The following CCNT1 variants were observed in gnomAD, a reference collection of about 807,000 sequenced individuals.
CCNT1 encodes cyclin T1, also known as cyclin-T1.
In CCNT1, 18 loss-of-function variants were observed where a neutral mutation model predicts 67.3. That is an observed-to-expected ratio of 0.27 (90% CI 0.18 to 0.40). The LOEUF is 0.40. Ranked by LOEUF, CCNT1 falls within the 10% of genes least tolerant of loss-of-function variation. The pLI, the probability that CCNT1 is intolerant of heterozygous loss-of-function variation, is 1.00. For synonymous variants in CCNT1, 333 were observed against 310.3 expected (o/e 1.07, Z -0.77); for missense variants, 744 against 884.9 (o/e 0.84, Z 2.02).
At chr12:48,713,691 G>C (rs753083460) in intron 2 of CCNT1, among the ~76,000 whole-genome samples, 3 of 152,184 alleles carry the variant, frequency 2.0e-5, no homozygotes, top group Non-Finnish European at 2.9e-5. Flanking sequence ...GGCTACGGCA[G>C]GAGGACTGCT....
chr12:48,709,241 G>C (rs1940411649), intron 2 of CCNT1, among the ~76,000 whole-genome samples: 1 of 152,124 alleles, frequency 6.6e-6, no homozygotes, highest in African/African-American at 2.4e-5. Flanking sequence ...GGCAACAGAG[G>C]GGACTCCGTT....
chr12:48,714,616 G>GC, intron 1 of CCNT1, 92 bp from the exon 2 acceptor site: 1 of 719,002 alleles, frequency 1.4e-6, no homozygotes, highest in Non-Finnish European at 2.5e-6. Context: ...AAATGGCCAA[G>GC]CAAGTAGATA....
At chr12:48,702,668 G>A (rs1322652727) in intron 3 of CCNT1, among the ~76,000 whole-genome samples, 1 of 152,062 alleles carries the variant, frequency 6.6e-6, no homozygotes, top group Non-Finnish European at 1.5e-5. Context: ...GTGAACCTTG[G>A]CTTGTTCCAT....
intron 2 of CCNT1, among the ~76,000 whole-genome samples, chr12:48,709,857 T>C (rs539793650): frequency 6.6e-6 from 1 of 152,240 alleles, no homozygotes; most frequent in South Asian, 2.1e-4. Context: ...TCTTAATTTT[T>C]ACCATGGGAA....
At chr12:48,710,613 G>A (rs537737003) in intron 2 of CCNT1, among the ~76,000 whole-genome samples, 24 of 152,160 alleles carry the variant, frequency 1.6e-4, no homozygotes, top group African/African-American at 5.1e-4. Context: ...GAGATCTCCC[G>A]TCTCTAAAAA....
chr12:48,706,862 A>G (rs1216281760), intron 2 of CCNT1, among the ~76,000 whole-genome samples: 1 of 152,188 alleles, frequency 6.6e-6, no homozygotes, highest in East Asian at 1.9e-4. Flanking sequence ...AATTCAACTC[A>G]TAGTATTGAT....
chr12:48,706,255 A>C (rs143937100), intron 2 of CCNT1, among the ~76,000 whole-genome samples: 151 of 152,318 alleles, frequency 9.9e-4, no homozygotes, highest in African/African-American at 3.5e-3. Flanking sequence ...GCAAATCCAT[A>C]TAGAGAAAAA....
In CCNT1 at chr12:48,698,267, T is replaced by C. The variant is rs1940211375; in HGVS notation, c.497-84A>G. The stretch of plus-strand genomic sequence containing the variant: ...ATTCTCAACAAATATTTAGTAAGCA[T>C]TTAATATTTGCAAGGTACTGTGAAT... On this transcript the variant is annotated intron_variant, in intron 5 of 8. Transcript: ENST00000261900. 4.9e-6 allele frequency: 5 copies of C among 1,012,820 alleles called. No homozygotes were observed. In the South Asian group the frequency reaches 8.4e-5, roughly 17 times the overall value. 62.7% of individuals were successfully genotyped at this position (1,012,820 alleles called of 1,614,324 possible).
chr12:48,698,306 A>G (rs1161210986), intron 5 of CCNT1, 123 bp from the exon 6 acceptor site: 6 of 624,306 alleles, frequency 9.6e-6, no homozygotes, highest in Non-Finnish European at 1.4e-5. Flanking sequence ...GTGGCAAATG[A>G]GACACACATG....
chr12:48,711,815 C>T (rs186341368), intron 2 of CCNT1, among the ~76,000 whole-genome samples: 5 of 152,176 alleles, frequency 3.3e-5, no homozygotes, highest in East Asian at 1.9e-4. Context: ...TGTTTTGAGA[C>T]GGAGTCTCAT....
At position 48,695,166 on chromosome 12, in the gene CCNT1, C is replaced by T. The variant is rs1940149163; in HGVS notation, c.777+593G>A. On this transcript the variant is annotated intron_variant, in intron 8 of 8. Transcript: ENST00000261900. Reference sequence around the variant, plus strand: ...ATCTCAGGCTTCTAAGAGGCAAACTCACTCTCTGCCACTCACTCAACTCAG... The same window carrying T: ...ATCTCAGGCTTCTAAGAGGCAAACTTACTCTCTGCCACTCACTCAACTCAG... Among the ~76,000 whole-genome samples, 4 of 152,302 alleles carry T rather than the reference C, an allele frequency of 2.6e-5. No individual in the cohort carries two copies. The South Asian group carries it at 8.3e-4, about 32-fold the overall frequency.
intron 2 of CCNT1, among the ~76,000 whole-genome samples, chr12:48,711,862 G>A (rs1347051895): frequency 1.3e-5 from 2 of 152,080 alleles, no homozygotes; most frequent in African/African-American, 4.8e-5. Context: ...GCACGATCTC[G>A]GCTCACTGCA....
Position 48,710,041 on chromosome 12 carries a change from G to A in CCNT1, c.244-4145C>T, listed in dbSNP as rs148182486. ...TGAGTAGCTGGGACTACAGGTGCACGCCACCATGCCCGGCTGATTTTTGTG... is the reference window on the plus strand; with the variant it reads ...TGAGTAGCTGGGACTACAGGTGCACACCACCATGCCCGGCTGATTTTTGTG... On this transcript the variant is annotated intron_variant, in intron 2 of 8. Coordinates refer to ENST00000261900, the MANE Select transcript of CCNT1 (RefSeq NM_001240.4). Among the ~76,000 whole-genome samples, 10 of 152,102 alleles carry A rather than the reference G, an allele frequency of 6.6e-5. No individual in the cohort carries two copies. In the East Asian group the frequency reaches 1.7e-3, roughly 26 times the overall value.
chr12:48,702,496 A>C (rs1309564445), intron 3 of CCNT1, among the ~76,000 whole-genome samples: 4 of 152,262 alleles, frequency 2.6e-5, no homozygotes, highest in African/African-American at 7.2e-5. Context: ...TTAAAAAATA[A>C]AGAATGGGCC....
chr12:48,715,809 G>A (rs1001945729), intron 1 of CCNT1, among the ~76,000 whole-genome samples: 2 of 152,162 alleles, frequency 1.3e-5, no homozygotes, highest in African/African-American at 2.4e-5. Context: ...CTCTAAGTAA[G>A]TTAAGGACCC....
chr12:48,701,216 TC>T lies in CCNT1; in HGVS notation c.373-144del, dbSNP rs1333072186. 2.0e-3 allele frequency: 329 copies of T among 166,470 alleles called. 3 individuals carry two copies. Among genetic ancestry groups the T allele is most frequent in the East Asian group, 0.016 (101 of 6,328 alleles). 10.3% of individuals were successfully genotyped at this position (166,470 alleles called of 1,614,324 possible). ...GGTAGAGTTAAGAACTGAAATACAA[TC>T]TTTTTTTTTTTTTTTTTTTTTTTTT... On this transcript the variant is annotated intron_variant, in intron 3 of 8. Transcript: ENST00000261900.
At chr12:48,713,524 C>A (rs1373747103) in intron 2 of CCNT1, among the ~76,000 whole-genome samples, 1 of 152,204 alleles carries the variant, frequency 6.6e-6, no homozygotes. Context: ...CGGCTCATGA[C>A]TGTAATCCCA....
rs938003696 is a variant in CCNT1 at position 48,705,916 on chromosome 12, A to G, written c.244-20T>C. On this transcript the variant is annotated intron_variant, in intron 2 of 8. Transcript: ENST00000261900. ...CACAGACTGAATGGAGAGAAAATAA[A>G]TCATATTTATTATCAATTTATTCAT... The G allele has an allele frequency of 1.9e-6, 3 of 1,600,374 alleles. No individual in the cohort carries two copies. In the African/African-American group the frequency reaches 4.1e-5, roughly 22 times the overall value.
intron 2 of CCNT1, among the ~76,000 whole-genome samples, chr12:48,707,337 G>A (rs1045458017): frequency 6.7e-6 from 1 of 148,230 alleles, no homozygotes; most frequent in Non-Finnish European, 1.5e-5. Context: ...CCCAGCTGCA[G>A]TGCAGTGGCG....
Sources: gnomAD v4.1 joint callset for allele counts (sites outside exome capture counted in the v4.1 genomes callset) on GRCh38, gnomAD v4.1.1 for gene constraint, MANE v1.5 for transcripts, NCBI Gene and HGNC (gene_info 2026-07-23, HGNC 2026-07-21) for gene names.